Variants in CDC7 observed in about 807,000 individuals in gnomAD.
CDC7 encodes the protein cell division cycle 7.
A neutral mutation model predicts 53.5 loss-of-function variants in CDC7; 34 were observed. That is an observed-to-expected ratio of 0.64 (90% CI 0.48 to 0.85). CDC7 has a LOEUF of 0.85. CDC7 is among the 40% of genes least tolerant of loss of function. The pLI is 0.00. For synonymous variants in CDC7, 211 were observed against 222.8 expected, an observed-to-expected ratio of 0.95 and a Z score of 0.47; for missense variants, 594 against 679.7, an observed-to-expected ratio of 0.87 and a Z score of 1.40.
intron 10 of CDC7, 37 bp from the exon 11 acceptor site, chr1:91,520,092 AT>A: frequency 6.7e-7 from 1 of 1,494,870 alleles, no homozygotes; most frequent in Non-Finnish European, 9.0e-7. Flanking sequence ...AAAATTATAG[AT>A]TTGAAATTTA....
intron 10 of CDC7, among the ~76,000 whole-genome samples, chr1:91,519,061 GAA>G (rs567313615): frequency 8.8e-4 from 99 of 112,222 alleles, no homozygotes; most frequent in African/African-American, 2.5e-3. Context: ...ACCCCATCTC[GAA>G]AAAAAAAAAA....
chr1:91,510,594 T>G (rs889416925), intron 4 of CDC7, among the ~76,000 whole-genome samples: 3 of 152,200 alleles, frequency 2.0e-5, no homozygotes, highest in Non-Finnish European at 4.4e-5. Flanking sequence ...ACCCTAAATA[T>G]GATCATTTCT....
intron 9 of CDC7, 89 bp downstream of exon 9, chr1:91,515,086 G>C: frequency 2.7e-6 from 3 of 1,094,586 alleles, no homozygotes; most frequent in Non-Finnish European, 4.0e-6. Flanking sequence ...TGAGTGCAAG[G>C]GATCAGTTCA....
chr1:91,507,178 C>T lies in CDC7; in HGVS notation c.116-676C>T, dbSNP rs541797498. 4.1e-4 allele frequency among the ~76,000 whole-genome samples: 62 copies of T among 152,254 alleles called. 1 individual carries two copies. Among genetic ancestry groups the T allele is most frequent in the Middle Eastern group, 3.4e-3 (1 of 294 alleles). ...ATATAGGGCTAGTAGAGCCTAGATA[C>T]TGTAATAAAATCTGAAGACTTATCT... On this transcript the variant is annotated intron_variant, in intron 2 of 11. Coordinates refer to ENST00000234626, the MANE Select transcript of CDC7 (RefSeq NM_003503.4).
In CDC7 at chr1:91,514,005, A is replaced by G; in HGVS notation, c.880A>G (p.Ile294Val). 6.2e-7 allele frequency: 1 copy of G among 1,612,384 alleles called. No homozygotes were observed. The highest frequency in any genetic ancestry group is 8.5e-7 in the Non-Finnish European group (1 of 1,178,680). ...RSVFGERNFNIHSSISHESPA... is the reference protein window; with the variant it reads ...RSVFGERNFNVHSSISHESPA... ...TGTTTTTGGAGAAAGAAATTTCAAT[A>G]TACACAGCTCCATTTCACATGAGAG... Residue 294 changes from isoleucine to valine, a missense_variant, in exon 8 of 12, where the codon ATA becomes GTA. Ile to Val is a conservative substitution (Grantham distance 29, BLOSUM62 3). Transcript: ENST00000234626.
Position 91,524,385 on chromosome 1 carries a change from A to C in CDC7, c.1675A>C (p.Thr559Pro). The change falls in exon 12 of 12, where the codon ACA (threonine) becomes CCA (proline). Residue 559 changes from threonine (T) to proline (P), a missense_variant. Transcript: ENST00000234626. ...AGATCTAAATCCAGCTTCAAGAATA[A>C]CAGCAGAAGAAGCTTTGTTGCATCC... Reference protein sequence around the residue: ...LLDLNPASRITAEEALLHPFF... With the variant: ...LLDLNPASRIPAEEALLHPFF... 1 of 1,612,588 alleles carries C rather than the reference A, an allele frequency of 6.2e-7. No homozygotes were observed. The highest frequency in any genetic ancestry group is 1.1e-5 in the South Asian group (1 of 90,980).
Position 91,513,058 on chromosome 1 carries a change from G to C in CDC7, c.573G>C (p.Lys191Asn), listed in dbSNP as rs1192924679. 1 of 1,612,590 alleles carries C rather than the reference G, an allele frequency of 6.2e-7. No individual in the cohort carries two copies. The highest frequency in any genetic ancestry group is 8.5e-7 in the Non-Finnish European group (1 of 1,179,262). ...SNFLYNRRLKKYALVDFGLAQ... is the reference protein window; with the variant it reads ...SNFLYNRRLKNYALVDFGLAQ... ...AAAAATGCTTAATTTTGTCTCTTAGGTATGCCTTGGTAGACTTTGGTTTGG... is the reference window on the plus strand; with the variant it reads ...AAAAATGCTTAATTTTGTCTCTTAGCTATGCCTTGGTAGACTTTGGTTTGG... The change falls in exon 7 of 12, where the codon AAG becomes AAC. Residue 191 changes from lysine to asparagine, a missense_variant and splice_region_variant. Lys to Asn is a moderately conservative substitution (Grantham distance 94). Transcript: ENST00000234626.
intron 10 of CDC7, among the ~76,000 whole-genome samples, chr1:91,519,321 C>T (rs1415091585): frequency 6.8e-6 from 1 of 146,536 alleles, no homozygotes; most frequent in Non-Finnish European, 1.5e-5. Context: ...CCCAGCTACT[C>T]AAGAGGCTGA....
chr1:91,516,370 A>T (rs1460037024), intron 10 of CDC7, among the ~76,000 whole-genome samples: 3 of 152,166 alleles, frequency 2.0e-5, no homozygotes, highest in Non-Finnish European at 4.4e-5. Context: ...TTTGAAAAAG[A>T]AAAATGTCTT....
intron 11 of CDC7, 133 bp from the exon 12 acceptor site, chr1:91,523,894 CTGTGTGTGTGTGTG>C (rs56282166): frequency 2.4e-4 from 131 of 556,392 alleles, no homozygotes; most frequent in South Asian, 3.0e-4. Flanking sequence ...CTATCTCATA[CTGTGTGTGTGTGTG>C]TGTGTGTGTG....
rs1203420617 is a variant in CDC7, at chr1:91,500,931, G to A, written c.-81G>A. The A allele has an allele frequency of 6.6e-6, 1 of 152,274 alleles. No homozygotes were observed. Among genetic ancestry groups the A allele is most frequent in the East Asian group, 1.9e-4 (1 of 5,190 alleles). 9.4% of individuals were successfully genotyped at this position (152,274 alleles called of 1,614,324 possible). A position where few individuals can be genotyped will look rare whatever the true frequency, so the allele number is the denominator to read the frequency against. The stretch of plus-strand genomic sequence containing the variant: ...CCCAGGCATCTGGGGAGCCACAGAA[G>A]TCGTACTCCCTTAAACCGTGAGTTT... On this transcript the variant is annotated 5_prime_UTR_variant, in exon 1 of 12. Coordinates refer to ENST00000234626, the MANE Select transcript of CDC7 (RefSeq NM_003503.4).
intron 7 of CDC7, 74 bp from the exon 8 acceptor site, chr1:91,513,874 C>A: frequency 9.3e-7 from 1 of 1,078,710 alleles, no homozygotes; most frequent in Non-Finnish European, 1.4e-6. Flanking sequence ...TCTTTCAAAA[C>A]TATGGCAGAG....
At chr1:91,512,928 C>A in intron 6 of CDC7, 130 bp from the exon 7 acceptor site, 1 of 748,404 alleles carries the variant, frequency 1.3e-6, no homozygotes, top group Non-Finnish European at 2.1e-6. Context: ...TTCTTTTTTC[C>A]AGAATGTTAT....
At position 91,525,268 on chromosome 1, in the gene CDC7, A is replaced by G. The variant is rs1668206076; in HGVS notation, c.*833A>G. On this transcript the variant is annotated 3_prime_UTR_variant, in exon 12 of 12. Coordinates refer to ENST00000234626, the MANE Select transcript of CDC7 (RefSeq NM_003503.4). ...CAAATGCTTTTCTTTTTTGAGTTGTATATTTTTTCACACCATCTTAGATAT... is the reference window on the plus strand; with the variant it reads ...CAAATGCTTTTCTTTTTTGAGTTGTGTATTTTTTCACACCATCTTAGATAT... 1 of 152,116 alleles carries G rather than the reference A, an allele frequency of 6.6e-6. No individual in the cohort carries two copies. Among genetic ancestry groups the G allele is most frequent in the African/African-American group, 2.4e-5 (1 of 41,442 alleles). The allele number at this position is 152,116 out of a possible 1,614,324, so 9.4% of individuals were successfully genotyped here.
At position 91,501,797 on chromosome 1, in the gene CDC7, T is replaced by C. The variant is rs1666701835; in HGVS notation, c.81T>C (p.Ser27=). 6.2e-7 allele frequency: 1 copy of C among 1,613,948 alleles called. No individual in the cohort carries two copies. Among genetic ancestry groups the C allele is most frequent in the South Asian group, 1.1e-5 (1 of 91,080 alleles). ...GTGACCGGTTTCAGGCTGAAGGCTC[T>C]TTAAAAAAAAACGAGCAGAATTTTA... is the stretch of plus-strand genomic sequence containing the variant. ...PQRDRFQAEG[S]LKKNEQNFKL... Residue 27 remains serine, a synonymous_variant, in exon 2 of 12, where the codon TCT becomes TCC. Transcript: ENST00000234626.
chr1:91,506,033 G>A (rs183513740), intron 2 of CDC7, among the ~76,000 whole-genome samples: 1 of 152,076 alleles, frequency 6.6e-6, no homozygotes, highest in East Asian at 1.9e-4. Context: ...TTGAGACAGG[G>A]TCTCCCTCTT....
At chr1:91,522,678 T>TC (rs1427723827) in intron 11 of CDC7, among the ~76,000 whole-genome samples, 4 of 152,238 alleles carry the variant, frequency 2.6e-5, no homozygotes, top group Non-Finnish European at 4.4e-5. Flanking sequence ...ATATGAATAT[T>TC]CCCCCCTGGC....
At chr1:91,501,563 A>C in intron 1 of CDC7, 91 bp from the exon 2 acceptor site, 1 of 660,570 alleles carries the variant, frequency 1.5e-6, no homozygotes, top group Non-Finnish European at 2.7e-6. Flanking sequence ...CGTGCGTTTG[A>C]AAATGTTTGC....
chr1:91,506,469 TC>T (rs1666994993), intron 2 of CDC7, among the ~76,000 whole-genome samples: 2 of 152,150 alleles, frequency 1.3e-5, no homozygotes, highest in African/African-American at 4.8e-5. Context: ...ACTGAAGGCT[TC>T]CTATCACCTT....
Sources: allele counts gnomAD v4.1 joint callset (sites outside exome capture counted in the v4.1 genomes callset), GRCh38; gene constraint gnomAD v4.1.1; transcripts MANE v1.5; gene names NCBI Gene and HGNC (gene_info 2026-07-23, HGNC 2026-07-21).